The following PRSS38 variants were observed in gnomAD, a reference collection of about 807,000 sequenced individuals.
The protein encoded by PRSS38 is marapsin 2.
Under a neutral mutation model 26.8 loss-of-function variants are expected in PRSS38, and 22 were observed. The ratio of observed to expected loss-of-function variants is 0.82; its 90% CI spans 0.59 to 1.17. The LOEUF is 1.17. Among genes scored for constraint, PRSS38 ranks in the 50% most tolerant of loss-of-function variants. The probability of loss-of-function intolerance (pLI) is 0.00; values close to 1 mark genes in which losing one functional copy is unlikely to be tolerated. For missense variants in PRSS38, 427 were observed against 422.7 expected (o/e 1.01, Z -0.09); for synonymous variants, 175 against 172.1 (o/e 1.02, Z -0.13).
chr1:227,827,620 T>G (rs1665094360), intron 3 of PRSS38, among the ~76,000 whole-genome samples: 1 of 145,234 alleles, frequency 6.9e-6, no homozygotes, highest in Non-Finnish European at 1.5e-5. Context: ...TCTTATTAAT[T>G]TTTTTTTTTT....
At chr1:227,830,947 C>T (rs938124368) in intron 3 of PRSS38, among the ~76,000 whole-genome samples, 4 of 152,060 alleles carry the variant, frequency 2.6e-5, no homozygotes, top group African/African-American at 9.7e-5. Context: ...GTCATTATAA[C>T]TAAAGGTTTA....
chr1:227,824,051 A>G (rs1665037177), intron 3 of PRSS38, among the ~76,000 whole-genome samples: 1 of 152,160 alleles, frequency 6.6e-6, no homozygotes, highest in African/African-American at 2.4e-5. Flanking sequence ...TAGAGGTTGT[A>G]CTAATTTTCT....
rs1479771515 is a variant in PRSS38, at chr1:227,831,913, A to G, written c.584-13557A>G. On this transcript the variant is annotated intron_variant, in intron 3 of 4. Transcript: ENST00000366757. ...TTTAGAGTAGAGTACTAAAATCTCT[A>G]TGACTGCTGAATTGTTTATTTCTCC... Among the ~76,000 whole-genome samples the G allele has an allele frequency of 2.6e-5, 4 of 152,220 alleles. No homozygotes were observed. The East Asian group carries it at 5.8e-4, about 22-fold the overall frequency.
rs1482943105 is a variant in PRSS38 at position 227,816,167 on chromosome 1, A to C, written c.226A>C (p.Ser76Arg). 8 of 1,613,464 alleles carry C rather than the reference A, an allele frequency of 5.0e-6. No individual in the cohort carries two copies. In the Admixed American group the frequency reaches 6.7e-5, roughly 13 times the overall value. Residue 76 changes from serine (S) to arginine (R), a missense_variant, in exon 2 of 5, where the codon AGC becomes CGC. Ser to Arg is a moderately radical substitution (Grantham distance 110). Transcript: ENST00000366757. The surrounding 1 kb of genome is among the most constrained non-coding windows in gnomAD (Gnocchi z 5.1). ...CGAGAGGAAGTGGCCGTGGCAGGTC[A>C]GCGTGCACTACGCAGGCCTCCACGT...
chr1:227,844,779 C>T (rs1383192048), intron 3 of PRSS38, among the ~76,000 whole-genome samples: 2 of 146,586 alleles, frequency 1.4e-5, no homozygotes, highest in Admixed American at 1.4e-4. Context: ...GATCCTCCCT[C>T]TGAGTGTTCA....
At chr1:227,842,103 C>A (rs12043266) in intron 3 of PRSS38, among the ~76,000 whole-genome samples, 62,378 of 152,050 alleles carry the variant, frequency 0.41, 14,914 homozygotes, top group Non-Finnish European at 0.55. Context: ...GATGCACCCC[C>A]CAGGACCCAA....
exon 5 of PRSS38, chr1:227,846,361 C>A: frequency 1.0e-6 from 1 of 993,498 alleles, no homozygotes; most frequent in Non-Finnish European, 1.5e-6. Flanking sequence ...AGGTGATGAG[C>A]AAGTGTACAA....
intron 3 of PRSS38, among the ~76,000 whole-genome samples, chr1:227,820,236 C>T (rs915976527): frequency 6.7e-6 from 1 of 150,246 alleles, no homozygotes; most frequent in African/African-American, 2.5e-5. Context: ...TGTATAGGAT[C>T]ATGTCATCTA....
In PRSS38 at chr1:227,816,336, C is replaced by G; in HGVS notation, c.311+84C>G. 1 of 1,403,920 alleles carries G rather than the reference C, an allele frequency of 7.1e-7. No individual in the cohort carries two copies. The highest frequency in any genetic ancestry group is 9.8e-7 in the Non-Finnish European group (1 of 1,022,268). The allele number at this position is 1,403,920 out of a possible 1,614,324, so 87.0% of individuals were successfully genotyped here. A position where few individuals can be genotyped will look rare whatever the true frequency, so the allele number is the denominator to read the frequency against. On this transcript the variant is annotated intron_variant, in intron 2 of 4. Transcript: ENST00000366757. This position sits in a 1 kb window ranked among gnomAD's most constrained non-coding sequence, Gnocchi z 5.1. ...GCGGCTTGGATGGACCCCACGCAAGCCTCCCCCATCACCATTGTCGACTCC... is the reference window on the plus strand; with the variant it reads ...GCGGCTTGGATGGACCCCACGCAAGGCTCCCCCATCACCATTGTCGACTCC...
chr1:227,825,131 T>C (rs1665054276), intron 3 of PRSS38, among the ~76,000 whole-genome samples: 1 of 152,266 alleles, frequency 6.6e-6, no homozygotes, highest in South Asian at 2.1e-4. Flanking sequence ...ATTTTTGTCA[T>C]GAAACCTTTG....
At chr1:227,827,346 C>T (rs542452695) in intron 3 of PRSS38, among the ~76,000 whole-genome samples, 63 of 152,250 alleles carry the variant, frequency 4.1e-4, no homozygotes, top group Non-Finnish European at 8.4e-4. Context: ...TTTATTACTG[C>T]TTCAATTTCA....
At chr1:227,831,218 A>G (rs1665148507) in intron 3 of PRSS38, among the ~76,000 whole-genome samples, 1 of 152,110 alleles carries the variant, frequency 6.6e-6, no homozygotes, top group South Asian at 2.1e-4. Flanking sequence ...AAATTTTGGT[A>G]TACTGTGTTT....
Position 227,830,679 on chromosome 1 carries a change from A to G in PRSS38, c.583+13199A>G, listed in dbSNP as rs181265035. Among the ~76,000 whole-genome samples the G allele has an allele frequency of 3.1e-4, 47 of 151,132 alleles. No homozygotes were observed. The East Asian group carries it at 8.8e-3, about 28-fold the overall frequency. On this transcript the variant is annotated intron_variant, in intron 3 of 4. Coordinates refer to ENST00000366757, the Ensembl canonical transcript of PRSS38. ...GCTAATTTTTATTATTATTATTATT[A>G]TTTTTAGTAGGGACAGGGTTTCACC... is the stretch of plus-strand genomic sequence containing the variant.
chr1:227,820,702 T>C (rs191000532), intron 3 of PRSS38, among the ~76,000 whole-genome samples: 196 of 152,340 alleles, frequency 1.3e-3, no homozygotes, highest in African/African-American at 4.5e-3. Context: ...ATGGTGTCTT[T>C]GGCTTTGGCA....
At chr1:227,842,300 C>G (rs1166796945) in intron 3 of PRSS38, among the ~76,000 whole-genome samples, 2 of 152,172 alleles carry the variant, frequency 1.3e-5, no homozygotes, top group African/African-American at 4.8e-5. Context: ...TTCCCAAATT[C>G]AGCTCTGCCC....
At chr1:227,832,697 T>C (rs183313681) in intron 3 of PRSS38, among the ~76,000 whole-genome samples, 234 of 152,288 alleles carry the variant, frequency 1.5e-3, no homozygotes, top group African/African-American at 5.5e-3. Context: ...AAATTCACTT[T>C]GGAAATGCAG....
chr1:227,833,916 A>G (rs1665199038), intron 3 of PRSS38, among the ~76,000 whole-genome samples: 1 of 152,228 alleles, frequency 6.6e-6, no homozygotes, highest in Non-Finnish European at 1.5e-5. Flanking sequence ...CACCCCCAGT[A>G]GTCATAAATG....
At chr1:227,817,527 T>C in intron 3 of PRSS38, 47 bp downstream of exon 3, 2 of 1,590,960 alleles carry the variant, frequency 1.3e-6, no homozygotes, top group South Asian at 2.3e-5. Flanking sequence ...AGGCTTCTCT[T>C]CCACCACAGG....
chr1:227,821,031 T>C (rs564624178), intron 3 of PRSS38, among the ~76,000 whole-genome samples: 1 of 152,376 alleles, frequency 6.6e-6, no homozygotes, highest in East Asian at 1.9e-4. Context: ...ATAATCATTT[T>C]TGTGCATTTG....
Sources: allele counts gnomAD v4.1 joint callset (sites outside exome capture counted in the v4.1 genomes callset), GRCh38; gene constraint gnomAD v4.1.1; non-coding constraint Gnocchi (gnomAD v3.1); transcripts MANE v1.5; gene names NCBI Gene and HGNC (gene_info 2026-07-23, HGNC 2026-07-21).